The following TENM3 variants were observed in gnomAD, a reference collection of about 807,000 sequenced individuals.
TENM3 encodes the protein teneurin-3.
Under a neutral mutation model 255.1 loss-of-function variants are expected in TENM3, and 63 were observed. The observed-to-expected ratio is 0.25, with a 90% confidence interval of 0.20 to 0.30. The LOEUF (loss-of-function observed/expected upper bound fraction) is 0.30, where lower values mean the gene tolerates loss of function less well. Ranked by LOEUF, TENM3 falls within the 10% of genes least tolerant of loss-of-function variation. TENM3 has a pLI of 1.00. For synonymous variants in TENM3, 1,306 were observed against 1,322.3 expected, an observed-to-expected ratio of 0.99 and a Z score of 0.27; for missense variants, 2,929 against 3,461.1, an observed-to-expected ratio of 0.85 and a Z score of 3.86.
At chr4:181,710,276 T>C in the TENM3 span, among the ~76,000 whole-genome samples, 13 of 151,860 alleles carry the variant, frequency 8.6e-5, no homozygotes, top group South Asian at 2.7e-3. Flanking sequence ...AGGAAGAAAA[T>C]CAGAAAAGCG....
the TENM3 span, among the ~76,000 whole-genome samples, chr4:182,037,150 A>ATTTTTTT: frequency 6.9e-6 from 1 of 144,736 alleles, no homozygotes; most frequent in African/African-American, 2.6e-5. Flanking sequence ...AACTCCTTTT[A>ATTTTTTT]TTTTTTTTTT....
chr4:182,161,639 G>C (rs867270084), intron 1 of TENM3, among the ~76,000 whole-genome samples: 1 of 87,890 alleles, frequency 1.1e-5, no homozygotes, highest in Non-Finnish European at 2.1e-5. Flanking sequence ...ATATATATAT[G>C]TATATATATA....
At chr4:182,672,406 T>C (rs1259578264) in intron 6 of TENM3, among the ~76,000 whole-genome samples, 2 of 152,202 alleles carry the variant, frequency 1.3e-5, no homozygotes, top group Non-Finnish European at 2.9e-5. Context: ...ACAAAAGCTA[T>C]GTGAGCACTT....
intron 1 of TENM3, among the ~76,000 whole-genome samples, chr4:182,164,869 T>C (rs148619404): frequency 1.2e-4 from 18 of 152,284 alleles, no homozygotes; most frequent in Admixed American, 7.2e-4. Context: ...TTAACCTCCT[T>C]GAAGGTAGAA....
chr4:182,120,095 GCA>G, the TENM3 span, among the ~76,000 whole-genome samples: 10 of 40,026 alleles, frequency 2.5e-4, no homozygotes, highest in African/African-American at 1.4e-3. Flanking sequence ...GTGCGTGCGC[GCA>G]CACACACACA....
At chr4:182,522,625 G>A (rs570384406) in intron 3 of TENM3, among the ~76,000 whole-genome samples, 1 of 152,306 alleles carries the variant, frequency 6.6e-6, no homozygotes, top group Non-Finnish European at 1.5e-5. Context: ...GGATACATGT[G>A]TAGAACATGC....
chr4:182,250,197 C>A (rs998313245), intron 1 of TENM3, among the ~76,000 whole-genome samples: 1 of 151,564 alleles, frequency 6.6e-6, no homozygotes, highest in Non-Finnish European at 1.5e-5. Flanking sequence ...GGACCACAGG[C>A]GCCCGCCACC....
At chr4:181,736,562 C>T in the TENM3 span, among the ~76,000 whole-genome samples, 1 of 151,742 alleles carries the variant, frequency 6.6e-6, no homozygotes. Context: ...AAAAATTTTC[C>T]TGGTTCACCC....
rs1026212658 is a variant in TENM3, at chr4:182,594,212, C to G, written c.512-6712C>G. Reference sequence around the variant, plus strand: ...TATTTTTTTTAGAGGCAGGGTCTTGCTGTGTTGCTCAATCTGGTCTGGACT... The same window carrying G: ...TATTTTTTTTAGAGGCAGGGTCTTGGTGTGTTGCTCAATCTGGTCTGGACT... On this transcript the variant is annotated intron_variant, in intron 3 of 27. Coordinates refer to ENST00000511685, the MANE Select transcript of TENM3 (RefSeq NM_001080477.4). 2.6e-5 allele frequency among the ~76,000 whole-genome samples: 4 copies of G among 152,040 alleles called. No individual in the cohort carries two copies. The East Asian group carries it at 7.7e-4, about 29-fold the overall frequency.
chr4:181,546,692 C>T, the TENM3 span, among the ~76,000 whole-genome samples: 99 of 126,974 alleles, frequency 7.8e-4, 1 homozygote, highest in African/African-American at 2.9e-3. Flanking sequence ...CCAGCCTGGG[C>T]GACAGAGCGA....
chr4:182,090,322 G>T, the TENM3 span, among the ~76,000 whole-genome samples: 1 of 152,230 alleles, frequency 6.6e-6, no homozygotes, highest in African/African-American at 2.4e-5. Flanking sequence ...CCACCCCATA[G>T]TGGGAACTGC....
intron 3 of TENM3, among the ~76,000 whole-genome samples, chr4:182,407,660 C>G (rs1319940097): frequency 6.6e-6 from 1 of 151,862 alleles, no homozygotes; most frequent in Non-Finnish European, 1.5e-5. Context: ...ACTTGGGGCC[C>G]GAACATATTA....
chr4:182,039,938 G>C, the TENM3 span, among the ~76,000 whole-genome samples: 4 of 140,920 alleles, frequency 2.8e-5, no homozygotes, highest in Non-Finnish European at 6.1e-5. Flanking sequence ...GATGGAAGGG[G>C]AGGGAAGGGG....
chr4:181,631,874 G>A, the TENM3 span, among the ~76,000 whole-genome samples: 1 of 152,168 alleles, frequency 6.6e-6, no homozygotes, highest in Non-Finnish European at 1.5e-5. Context: ...CACTGCTCTA[G>A]TGTATCAACT....
intron 3 of TENM3, among the ~76,000 whole-genome samples, chr4:182,513,411 A>G (rs1299929322): frequency 6.6e-6 from 1 of 152,122 alleles, no homozygotes; most frequent in Non-Finnish European, 1.5e-5. Context: ...AGGATTATGG[A>G]ATTATTTTTT....
intron 22 of TENM3, among the ~76,000 whole-genome samples, chr4:182,770,372 G>A (rs1260519201): frequency 1.3e-5 from 2 of 152,070 alleles, no homozygotes; most frequent in Non-Finnish European, 2.9e-5. Flanking sequence ...CCAGTGAGGA[G>A]ATCCACCCAA....
the TENM3 span, among the ~76,000 whole-genome samples, chr4:181,964,360 G>A: frequency 6.6e-6 from 1 of 152,150 alleles, no homozygotes; most frequent in Non-Finnish European, 1.5e-5. Flanking sequence ...GTAAGCTACT[G>A]TATCTGTCTA....
At chr4:182,396,924 T>C (rs1158931188) in intron 3 of TENM3, among the ~76,000 whole-genome samples, 2 of 151,884 alleles carry the variant, frequency 1.3e-5, no homozygotes, top group Non-Finnish European at 2.9e-5. Flanking sequence ...ATCGCACCAC[T>C]GCCCTCCAAC....
At position 182,541,491 on chromosome 4, in the gene TENM3, A is replaced by G. The variant is rs1043886591; in HGVS notation, c.512-59433A>G. ...TTATAGGGTGGTGCAAACATTTTCAATCATGCCATTGGTCAAGGGAAAAAA... is the reference window on the plus strand; with the variant it reads ...TTATAGGGTGGTGCAAACATTTTCAGTCATGCCATTGGTCAAGGGAAAAAA... On this transcript the variant is annotated intron_variant, in intron 3 of 27. Coordinates refer to ENST00000511685, the MANE Select transcript of TENM3 (RefSeq NM_001080477.4). 9.8e-5 allele frequency among the ~76,000 whole-genome samples: 15 copies of G among 152,332 alleles called. No homozygotes were observed. In the East Asian group the frequency reaches 2.1e-3, roughly 22 times the overall value.
Sources: allele counts gnomAD v4.1 joint callset (sites outside exome capture counted in the v4.1 genomes callset), GRCh38; gene constraint gnomAD v4.1.1; transcripts MANE v1.5; gene names NCBI Gene and HGNC (gene_info 2026-07-23, HGNC 2026-07-21).